The following DDX10 variants were observed in gnomAD, a reference collection of about 807,000 sequenced individuals.
The protein encoded by DDX10 is DEAD-box helicase 10.
A neutral mutation model predicts 104.3 loss-of-function variants in DDX10; 74 were observed. The ratio of observed to expected loss-of-function variants is 0.71; its 90% CI spans 0.59 to 0.86. The LOEUF (loss-of-function observed/expected upper bound fraction) is 0.86, where lower values mean the gene tolerates loss of function less well. Ranked by LOEUF, DDX10 falls within the 40% of genes least tolerant of loss-of-function variation. DDX10 has a pLI of 0.00. For synonymous variants in DDX10, 351 were observed against 353.4 expected (o/e 0.99, Z 0.08); for missense variants, 952 against 1,040.0 (o/e 0.92, Z 1.16).
chr11:108,816,796 C>T (rs140545084), intron 13 of DDX10, among the ~76,000 whole-genome samples: 55 of 152,194 alleles, frequency 3.6e-4, no homozygotes, highest in Non-Finnish European at 4.9e-4. Flanking sequence ...TCAGGTGATC[C>T]GCTCTCTTTG....
At chr11:108,824,551 T>A (rs1421596134) in intron 13 of DDX10, among the ~76,000 whole-genome samples, 1 of 152,178 alleles carries the variant, frequency 6.6e-6, no homozygotes, top group Admixed American at 6.5e-5. Flanking sequence ...ATATAGCCAA[T>A]TTGGACACAA....
chr11:108,928,821 G>T (rs1863940970), intron 17 of DDX10, among the ~76,000 whole-genome samples: 1 of 152,204 alleles, frequency 6.6e-6, no homozygotes, highest in African/African-American at 2.4e-5. Context: ...GTAGGAGTTT[G>T]TAAATGAGTA....
rs753770763 is a variant in DDX10 at position 108,688,922 on chromosome 11, C to T, written c.849-14C>T. On this transcript the variant is annotated splice_polypyrimidine_tract_variant and intron_variant, in intron 6 of 17. Coordinates refer to ENST00000322536, the MANE Select transcript of DDX10 (RefSeq NM_004398.4). ...GACATATTCTAATGTTTTTCTTTTC[C>T]GTAATTCCACAAGCACCCCTGCCAC... is the stretch of plus-strand genomic sequence containing the variant. The T allele has an allele frequency of 2.8e-5, 45 of 1,604,560 alleles. No homozygotes were observed. The highest frequency in any genetic ancestry group is 3.5e-5 in the Non-Finnish European group (41 of 1,175,376).
intron 16 of DDX10, among the ~76,000 whole-genome samples, chr11:108,876,229 C>CT (rs1289352167): frequency 3.9e-5 from 6 of 152,078 alleles, no homozygotes; most frequent in Non-Finnish European, 8.8e-5. Flanking sequence ...AGAGGATAGT[C>CT]TTTTTTTCAC....
chr11:108,872,825 C>G (rs556060152), intron 16 of DDX10, among the ~76,000 whole-genome samples: 1 of 148,800 alleles, frequency 6.7e-6, no homozygotes, highest in South Asian at 2.3e-4. Context: ...TCCGTTCCCC[C>G]CCCCTCCCAT....
chr11:108,885,621 C>G (rs1012857243), intron 16 of DDX10, among the ~76,000 whole-genome samples: 1 of 152,068 alleles, frequency 6.6e-6, no homozygotes, highest in Non-Finnish European at 1.5e-5. Flanking sequence ...GTGATCCACC[C>G]TCCTCTGCCT....
In DDX10 at chr11:108,917,906, A is replaced by C. The variant is rs1442360678; in HGVS notation, c.2338A>C (p.Ser780Arg). ...KDEEEAFLDWSDDDDDDDDGF... is the reference protein window; with the variant it reads ...KDEEEAFLDWRDDDDDDDDGF... ...TGAAGAGGAAGCCTTTCTGGATTGG[A>C]GTGATGATGATGATGATGATGATGA... The change falls in exon 17 of 18, where the codon AGT (serine) becomes CGT (arginine). Residue 780 changes from serine to arginine, a missense_variant. Transcript: ENST00000322536. The C allele has an allele frequency of 3.1e-6, 5 of 1,606,866 alleles. No individual in the cohort carries two copies. Among genetic ancestry groups the C allele is most frequent in the Non-Finnish European group, 4.2e-6 (5 of 1,179,178 alleles).
intron 6 of DDX10, among the ~76,000 whole-genome samples, chr11:108,687,842 A>G (rs942044703): frequency 6.6e-6 from 1 of 152,182 alleles, no homozygotes; most frequent in African/African-American, 2.4e-5. Flanking sequence ...ATCTAAAACC[A>G]GTTGACTTGT....
intron 6 of DDX10, among the ~76,000 whole-genome samples, chr11:108,681,964 C>G (rs2094235889): frequency 1.3e-5 from 2 of 151,542 alleles, no homozygotes; most frequent in East Asian, 1.9e-4. Flanking sequence ...GTTTTTTTGC[C>G]TTTTTCTTAT....
intron 16 of DDX10, among the ~76,000 whole-genome samples, chr11:108,899,311 G>T (rs1396535204): frequency 3.3e-5 from 5 of 150,308 alleles, no homozygotes; most frequent in Non-Finnish European, 4.4e-5. Flanking sequence ...TTATAATCCT[G>T]GGATGAAATT....
chr11:108,713,530 T>C (rs1008462422), intron 10 of DDX10, among the ~76,000 whole-genome samples: 8 of 152,156 alleles, frequency 5.3e-5, no homozygotes, highest in African/African-American at 1.9e-4. Context: ...GATTTCCATC[T>C]TATTATGTTG....
At chr11:108,696,207 C>T (rs915096447) in intron 9 of DDX10, among the ~76,000 whole-genome samples, 9 of 151,860 alleles carry the variant, frequency 5.9e-5, no homozygotes, top group East Asian at 1.9e-4. Flanking sequence ...GACAGAGTGT[C>T]GCTCTGTCAC....
intron 13 of DDX10, among the ~76,000 whole-genome samples, chr11:108,745,037 TCCTTCCCC>T (rs2094329638): frequency 1.8e-5 from 1 of 54,906 alleles, no homozygotes; most frequent in Non-Finnish European, 3.4e-5. Flanking sequence ...AATTACTTTT[TCCTTCCCC>T]CTTCCCCCTT....
At chr11:108,754,643 A>G (rs1380157955) in intron 13 of DDX10, among the ~76,000 whole-genome samples, 1 of 152,030 alleles carries the variant, frequency 6.6e-6, no homozygotes, top group African/African-American at 2.4e-5. Context: ...AAACTAGAGT[A>G]TAGCCTTAGG....
At chr11:108,824,257 C>T (rs1454931151) in intron 13 of DDX10, among the ~76,000 whole-genome samples, 1 of 151,996 alleles carries the variant, frequency 6.6e-6, no homozygotes, top group Non-Finnish European at 1.5e-5. Flanking sequence ...TGGCCAGGCT[C>T]ATCTCGAACT....
At chr11:108,681,896 GCTT>G (rs2094235796) in intron 6 of DDX10, among the ~76,000 whole-genome samples, 1 of 152,036 alleles carries the variant, frequency 6.6e-6, no homozygotes, top group African/African-American at 2.4e-5. Flanking sequence ...ATTATGAAAT[GCTT>G]CTTTTTTGCA....
chr11:108,682,679 T>G (rs2094237253), intron 6 of DDX10, among the ~76,000 whole-genome samples: 1 of 152,234 alleles, frequency 6.6e-6, no homozygotes, highest in African/African-American at 2.4e-5. Flanking sequence ...CATAAGCCAC[T>G]GTTATCACTG....
At chr11:108,872,395 A>G (rs1863094760) in intron 16 of DDX10, among the ~76,000 whole-genome samples, 1 of 152,248 alleles carries the variant, frequency 6.6e-6, no homozygotes, top group South Asian at 2.1e-4. Flanking sequence ...TGATACAAGC[A>G]TAAAATACTT....
At chr11:108,830,185 A>T (rs1158643457) in intron 13 of DDX10, among the ~76,000 whole-genome samples, 1 of 152,114 alleles carries the variant, frequency 6.6e-6, no homozygotes, top group African/African-American at 2.4e-5. Flanking sequence ...GATTCTACCC[A>T]TTTATGGGCA....
Sources: gnomAD v4.1 joint callset for allele counts (sites outside exome capture counted in the v4.1 genomes callset) on GRCh38, gnomAD v4.1.1 for gene constraint, MANE v1.5 for transcripts, NCBI Gene and HGNC (gene_info 2026-07-23, HGNC 2026-07-21) for gene names.